FARP1: variants seen among roughly 807,000 people sequenced by gnomAD.
FARP1 encodes FERM, ARH/RhoGEF and pleckstrin domain protein 1, also known as FERM, ARHGEF and pleckstrin domain-containing protein 1.
A neutral mutation model predicts 128.8 loss-of-function variants in FARP1; 52 were observed. That is an observed-to-expected ratio of 0.40 (90% CI 0.32 to 0.51). The LOEUF (loss-of-function observed/expected upper bound fraction) is 0.51. Ranked by LOEUF, FARP1 falls within the 20% of genes least tolerant of loss-of-function variation. The pLI is 0.45. For missense variants in FARP1, 1,333 were observed against 1,367.9 expected (o/e 0.97, Z 0.40); for synonymous variants, 580 against 551.8 (o/e 1.05, Z -0.72).
At chr13:98,309,722 G>A (rs1260337141) in intron 2 of FARP1, among the ~76,000 whole-genome samples, 1 of 152,210 alleles carries the variant, frequency 6.6e-6, no homozygotes, top group African/African-American at 2.4e-5. Context: ...AACAGCAAAC[G>A]CCGTCAAGGC....
intron 1 of FARP1, among the ~76,000 whole-genome samples, chr13:98,201,634 G>T (rs529556790): frequency 2.0e-5 from 3 of 152,264 alleles, no homozygotes; most frequent in Non-Finnish European, 4.4e-5. Flanking sequence ...AGTAGAAAAG[G>T]GATATGGGTA....
At chr13:98,286,487 T>C (rs1885174040) in intron 2 of FARP1, among the ~76,000 whole-genome samples, 1 of 152,184 alleles carries the variant, frequency 6.6e-6, no homozygotes, top group African/African-American at 2.4e-5. Flanking sequence ...CACGTTCTGA[T>C]GGTTTTATAA....
chr13:98,269,920 G>T (rs747429063), intron 2 of FARP1, among the ~76,000 whole-genome samples: 3 of 152,010 alleles, frequency 2.0e-5, no homozygotes, highest in Non-Finnish European at 2.9e-5. Flanking sequence ...AGTTTGAGAC[G>T]GGCCTGAGCA....
intron 2 of FARP1, among the ~76,000 whole-genome samples, chr13:98,241,057 C>T (rs556893088): frequency 1.2e-4 from 18 of 152,280 alleles, no homozygotes; most frequent in East Asian, 1.9e-4. Flanking sequence ...ACATGGCAGT[C>T]GAAGAAGAGA....
intron 2 of FARP1, among the ~76,000 whole-genome samples, chr13:98,240,786 G>A (rs1882722615): frequency 6.6e-6 from 1 of 152,194 alleles, no homozygotes; most frequent in South Asian, 2.1e-4. Flanking sequence ...GTTCTAGTGC[G>A]TTTTCATCGT....
chr13:98,168,127 G>C (rs1566689109), intron 1 of FARP1, among the ~76,000 whole-genome samples: 2 of 150,730 alleles, frequency 1.3e-5, no homozygotes, highest in East Asian at 3.9e-4. Flanking sequence ...AGCCAAGATC[G>C]TGCCACTGCA....
intron 1 of FARP1, among the ~76,000 whole-genome samples, chr13:98,174,683 C>T (rs544641353): frequency 1.3e-5 from 2 of 152,154 alleles, no homozygotes; most frequent in Non-Finnish European, 2.9e-5. Flanking sequence ...CTTGAACTGT[C>T]TGCCTTGTCG....
intron 21 of FARP1, 88 bp from the exon 22 acceptor site, chr13:98,439,873 C>T: frequency 1.0e-6 from 1 of 955,168 alleles, no homozygotes; most frequent in East Asian, 2.4e-5. Flanking sequence ...GGGCACCCCT[C>T]CTTTTCCAAG....
At chr13:98,263,423 A>G (rs557180747) in intron 2 of FARP1, among the ~76,000 whole-genome samples, 6 of 152,262 alleles carry the variant, frequency 3.9e-5, no homozygotes, top group Non-Finnish European at 8.8e-5. Context: ...TCTGTTATTA[A>G]AAAACTTGAA....
At chr13:98,177,002 C>T (rs758424880) in intron 1 of FARP1, 23 of 1,597,486 alleles carry the variant, frequency 1.4e-5, no homozygotes, top group East Asian at 4.5e-5. Flanking sequence ...CCCCTCCTGT[C>T]GCCGTGAGCC....
intron 13 of FARP1, among the ~76,000 whole-genome samples, chr13:98,408,751 A>G (rs1452841794): frequency 6.6e-6 from 1 of 152,210 alleles, no homozygotes; most frequent in Admixed American, 6.5e-5. Flanking sequence ...GTGATCACAT[A>G]TGCCTGTAAT....
intron 5 of FARP1, among the ~76,000 whole-genome samples, chr13:98,377,510 A>C (rs982333012): frequency 1.3e-5 from 2 of 152,160 alleles, no homozygotes; most frequent in African/African-American, 2.4e-5. Context: ...CTGTGAAAAA[A>C]ATGTAAATAT....
At chr13:98,409,240 A>G (rs1891094267) in intron 13 of FARP1, 98 bp from the exon 14 acceptor site, 2 of 1,004,722 alleles carry the variant, frequency 2.0e-6, no homozygotes, top group Non-Finnish European at 2.9e-6. Flanking sequence ...CGGGGTAGTC[A>G]AATCTTACGA....
At chr13:98,439,809 A>G (rs537167730) in intron 21 of FARP1, 152 bp from the exon 22 acceptor site, 8 of 606,920 alleles carry the variant, frequency 1.3e-5, no homozygotes, top group Middle Eastern at 5.7e-4. Flanking sequence ...GGTTTTTCCA[A>G]CTCAGAGTGC....
chr13:98,321,654 CT>C (rs1886997241), intron 2 of FARP1, among the ~76,000 whole-genome samples: 1 of 152,194 alleles, frequency 6.6e-6, no homozygotes, highest in Non-Finnish European at 1.5e-5. Flanking sequence ...CCTGTGCGTG[CT>C]AAACGGGTGC....
At chr13:98,376,090 C>T (rs188154887) in intron 5 of FARP1, among the ~76,000 whole-genome samples, 1 of 152,214 alleles carries the variant, frequency 6.6e-6, no homozygotes, top group Non-Finnish European at 1.5e-5. Context: ...TGCTGCGGGG[C>T]AGGGGGTGGT....
intron 1 of FARP1, among the ~76,000 whole-genome samples, chr13:98,210,542 C>A (rs954274149): frequency 7.5e-6 from 1 of 133,890 alleles, no homozygotes; most frequent in Non-Finnish European, 1.5e-5. Flanking sequence ...CTTTCTTTTT[C>A]GTTTTTCTAT....
intron 1 of FARP1, among the ~76,000 whole-genome samples, chr13:98,158,120 G>A (rs940123017): frequency 2.0e-5 from 3 of 152,156 alleles, no homozygotes; most frequent in African/African-American, 7.2e-5. Flanking sequence ...AATCCAAGTG[G>A]TTTTTATTTT....
intron 2 of FARP1, 44 bp downstream of exon 2, chr13:98,213,457 C>T (rs1594278500): frequency 1.3e-6 from 2 of 1,593,060 alleles, no homozygotes; most frequent in South Asian, 1.1e-5. Flanking sequence ...TGGTAGGGGA[C>T]AGCCTTTGGT....
Sources: allele counts gnomAD v4.1 joint callset (sites outside exome capture counted in the v4.1 genomes callset), GRCh38; gene constraint gnomAD v4.1.1; transcripts MANE v1.5; gene names NCBI Gene and HGNC (gene_info 2026-07-23, HGNC 2026-07-21).